Variants in CDYL observed in about 807,000 individuals in gnomAD.
CDYL encodes the protein chromodomain Y like.
In CDYL, 8 loss-of-function variants were observed where a neutral mutation model predicts 47.3. The ratio of observed to expected loss-of-function variants is 0.17; its 90% CI spans 0.10 to 0.31. The LOEUF is 0.31. Ranked by LOEUF, CDYL falls within the 10% of genes least tolerant of loss-of-function variation. CDYL has a pLI of 1.00. For synonymous variants in CDYL, 266 were observed against 265.0 expected (o/e 1.00, Z -0.04); for missense variants, 471 against 701.4 (o/e 0.67, Z 3.71).
At chr6:4,835,212 T>C (rs1329455359) in intron 1 of CDYL, among the ~76,000 whole-genome samples, 3 of 152,160 alleles carry the variant, frequency 2.0e-5, no homozygotes, top group Admixed American at 2.0e-4. Flanking sequence ...TTATCTACTT[T>C]TGGACTTTGA....
intron 1 of CDYL, among the ~76,000 whole-genome samples, chr6:4,829,652 A>G (rs1014059611): frequency 2.0e-5 from 3 of 152,160 alleles, no homozygotes; most frequent in Non-Finnish European, 4.4e-5. Flanking sequence ...ACTTGTTTGT[A>G]TATCTCAACT....
chr6:4,752,899 T>TGCAG, intron 3 of CDYL, among the ~76,000 whole-genome samples: 1 of 150,538 alleles, frequency 6.6e-6, no homozygotes. Flanking sequence ...TAGGTAGGTA[T>TGCAG]GTAGGTAGGT....
chr6:4,713,273 T>C (rs576443116), intron 1 of CDYL, among the ~76,000 whole-genome samples: 1 of 152,266 alleles, frequency 6.6e-6, no homozygotes, highest in Admixed American at 6.5e-5. Flanking sequence ...ACCCGGCATC[T>C]CCTTCCTCCC....
chr6:4,900,786 T>TAG (rs1757012125), intron 2 of CDYL, among the ~76,000 whole-genome samples: 3 of 36,658 alleles, frequency 8.2e-5, no homozygotes, highest in African/African-American at 3.6e-4. Flanking sequence ...TGTGTATATA[T>TAG]ATATATATAT....
chr6:4,929,593 G>A (rs773884650), intron 2 of CDYL, among the ~76,000 whole-genome samples: 2 of 151,794 alleles, frequency 1.3e-5, no homozygotes, highest in South Asian at 4.2e-4. Flanking sequence ...TTGTCCTACA[G>A]GGCACTCAGG....
chr6:4,819,331 A>ATCACTAC (rs1561652870), intron 1 of CDYL, among the ~76,000 whole-genome samples: 3 of 152,132 alleles, frequency 2.0e-5, no homozygotes, highest in African/African-American at 7.2e-5. Context: ...GAAGTAAAGA[A>ATCACTAC]TTACGTGTGT....
intron 3 of CDYL, among the ~76,000 whole-genome samples, chr6:4,742,135 C>T (rs1362238231): frequency 6.6e-6 from 1 of 152,146 alleles, no homozygotes; most frequent in Non-Finnish European, 1.5e-5. Flanking sequence ...ACTCAGATCA[C>T]TGGAGCCCAG....
chr6:4,783,193 T>TTTCTC (rs58873276), intron 1 of CDYL, among the ~76,000 whole-genome samples: 28,698 of 151,110 alleles, frequency 0.19, 5,337 homozygotes, highest in African/African-American at 0.49. Flanking sequence ...TTTTTTTTCT[T>TTTCTC]AAGTGTATCC....
At chr6:4,777,032 G>T (rs1458777617) in intron 1 of CDYL, among the ~76,000 whole-genome samples, 2 of 149,598 alleles carry the variant, frequency 1.3e-5, no homozygotes, top group South Asian at 2.1e-4. Context: ...GTGGGGGGGG[G>T]GGTCCCAGCC....
intron 1 of CDYL, among the ~76,000 whole-genome samples, chr6:4,783,629 C>T (rs1043389448): frequency 6.6e-6 from 1 of 151,976 alleles, no homozygotes; most frequent in African/African-American, 2.4e-5. Flanking sequence ...GTTGGTCAGG[C>T]TAGTCTCGAA....
intron 2 of CDYL, among the ~76,000 whole-genome samples, chr6:4,897,086 T>C (rs1762305981): frequency 6.6e-6 from 1 of 152,272 alleles, no homozygotes; most frequent in Non-Finnish European, 1.5e-5. Flanking sequence ...TGTTTAATGG[T>C]AATTTCTTGC....
At chr6:4,708,282 G>A (rs1395384251) in intron 1 of CDYL, among the ~76,000 whole-genome samples, 1 of 151,996 alleles carries the variant, frequency 6.6e-6, no homozygotes, top group Non-Finnish European at 1.5e-5. Context: ...TCATGCCTCA[G>A]CCTCCCAAGT....
At chr6:4,805,815 T>A (rs538411056) in intron 1 of CDYL, among the ~76,000 whole-genome samples, 22 of 152,330 alleles carry the variant, frequency 1.4e-4, no homozygotes, top group Admixed American at 1.1e-3. Flanking sequence ...AGAGGGCGGC[T>A]CTTCTTTCCT....
chr6:4,884,597 G>A (rs1472737474), intron 1 of CDYL, among the ~76,000 whole-genome samples: 1 of 152,220 alleles, frequency 6.6e-6, no homozygotes, highest in African/African-American at 2.4e-5. Context: ...GTGGTGGACT[G>A]TCTTTTCAGT....
Position 4,954,255 on chromosome 6 carries a change from C to T in CDYL, c.*199C>T. 1 of 502,166 alleles carries T rather than the reference C, an allele frequency of 2.0e-6. No individual in the cohort carries two copies. 31.1% of individuals were successfully genotyped at this position (502,166 alleles called of 1,614,324 possible). A position where few individuals can be genotyped will look rare whatever the true frequency, so the allele number is the denominator to read the frequency against. ...AACTTTAAAATAAATAACTACAAAG[C>T]TTCTTTGTCCAAACGTCATTATTTT... On this transcript the variant is annotated 3_prime_UTR_variant, in exon 7 of 7. Transcript: ENST00000397588.
At chr6:4,840,278 G>A (rs1760448951) in intron 1 of CDYL, among the ~76,000 whole-genome samples, 1 of 152,002 alleles carries the variant, frequency 6.6e-6, no homozygotes, top group South Asian at 2.1e-4. Context: ...GAACTTTGCT[G>A]AATTTATCAG....
chr6:4,949,288 G>A (rs900540258), intron 5 of CDYL, among the ~76,000 whole-genome samples: 3 of 152,190 alleles, frequency 2.0e-5, no homozygotes, highest in African/African-American at 4.8e-5. Context: ...TGCCCAGCGA[G>A]TACCTGAGGG....
At chr6:4,813,252 G>GC (rs1759577377) in intron 1 of CDYL, among the ~76,000 whole-genome samples, 2 of 152,204 alleles carry the variant, frequency 1.3e-5, no homozygotes, top group Admixed American at 1.3e-4. Context: ...AGAGAACACT[G>GC]CCGTCGTCAT....
intron 2 of CDYL, among the ~76,000 whole-genome samples, chr6:4,900,779 G>GTATATA (rs59594195): frequency 5.8e-4 from 30 of 51,534 alleles, no homozygotes; most frequent in African/African-American, 1.3e-3. Context: ...GTATACGTGT[G>GTATATA]TATATATATA....
Sources: allele counts gnomAD v4.1 joint callset (sites outside exome capture counted in the v4.1 genomes callset), GRCh38; gene constraint gnomAD v4.1.1; transcripts MANE v1.5; gene names NCBI Gene and HGNC (gene_info 2026-07-23, HGNC 2026-07-21).